Variants in MEG3 observed in about 807,000 individuals in gnomAD.
MEG3 encodes Very putative protein from MEG3 locus.
At chr14:100,857,960 G>A (rs182846252) in exon 1 of MEG3, 1 of 152,150 alleles carries the variant, frequency 6.6e-6, no homozygotes, top group African/African-American at 2.4e-5. Flanking sequence ...GGTGCAGAAG[G>A]TAGGCTTTGC....
At chr14:100,827,123 G>C (rs1397451409) in intron 1 of MEG3, among the ~76,000 whole-genome samples, 1 of 152,076 alleles carries the variant, frequency 6.6e-6, no homozygotes, top group South Asian at 2.1e-4. Flanking sequence ...CGTGGTGGTC[G>C]CTCGAAAATC....
Position 100,837,625 on chromosome 14 carries a change from A to G in MEG3, n.3045+1325A>G, listed in dbSNP as rs1176255527. ...GGGGCCCAGCCTCTAGTCCTCAGCC[A>G]TGTGCACGCATCAGCCCTTGTGCAG... On this transcript the variant is annotated intron_variant and non_coding_transcript_variant, in intron 2 of 3. Coordinates refer to the MEG3 transcript ENST00000398461. The surrounding 1 kb of genome is among the most constrained non-coding windows in gnomAD (Gnocchi z 5.8). Among the ~76,000 whole-genome samples, 2 of 152,160 alleles carry G rather than the reference A, an allele frequency of 1.3e-5. No individual in the cohort carries two copies. Among genetic ancestry groups the G allele is most frequent in the Non-Finnish European group, 1.5e-5 (1 of 67,982 alleles).
intron 2 of MEG3, among the ~76,000 whole-genome samples, chr14:100,838,383 T>C (rs146560282): frequency 6.6e-6 from 1 of 152,282 alleles, no homozygotes; most frequent in Non-Finnish European, 1.5e-5. Flanking sequence ...TGTGTGTCAT[T>C]AGGTATAAAA....
chr14:100,852,660 T>C (rs2038118100), upstream of MEG3: 2 of 290,226 alleles, frequency 6.9e-6, no homozygotes, highest in African/African-American at 2.2e-5. Context: ...GGAGGGTCTT[T>C]CAAAAGAACT....
chr14:100,836,120 C>T (rs150759931), intron 1 of MEG3: 5,250 of 416,500 alleles, frequency 0.013, 60 homozygotes, highest in Middle Eastern at 0.032. Flanking sequence ...TTGGCTTTTC[C>T]GGGGCGCTTG....
chr14:100,845,653 CTG>C lies in MEG3; in HGVS notation n.3121+123_3121+124del. 1 of 368,098 alleles carries C rather than the reference CTG, an allele frequency of 2.7e-6. No individual in the cohort carries two copies. Among genetic ancestry groups the C allele is most frequent in the Non-Finnish European group, 5.4e-6 (1 of 184,226 alleles). 22.8% of individuals were successfully genotyped at this position (368,098 alleles called of 1,614,324 possible). On this transcript the variant is annotated intron_variant and non_coding_transcript_variant, in intron 3 of 3. Transcript: ENST00000398461. The surrounding 1 kb of genome is among the most constrained non-coding windows in gnomAD (Gnocchi z 5.2). ...GGGCTGGCGGGCACTGGCCGGGGGT[CTG>C]TGCACCGGGAGGTGGGTGCCCATCG...
chr14:100,840,491 A>G (rs2037719785), intron 2 of MEG3, among the ~76,000 whole-genome samples: 1 of 125,772 alleles, frequency 8.0e-6, no homozygotes, highest in African/African-American at 3.0e-5. Flanking sequence ...TTTCAATGGA[A>G]GGTGCCTTTT....
chr14:100,827,374 G>T (rs1267363534), intron 1 of MEG3: 2 of 152,190 alleles, frequency 1.3e-5, no homozygotes, highest in African/African-American at 4.8e-5. Flanking sequence ...TTCTCCTGAT[G>T]GAGGGGGTCG....
exon 1 of MEG3, chr14:100,834,508 T>C: frequency 3.0e-6 from 1 of 328,730 alleles, no homozygotes; most frequent in Non-Finnish European, 6.0e-6. Context: ...GGGGTCTCGT[T>C]GCTCCCTTGA....
At chr14:100,840,628 A>G (rs1485201322) in intron 2 of MEG3, among the ~76,000 whole-genome samples, 1 of 152,174 alleles carries the variant, frequency 6.6e-6, no homozygotes. Flanking sequence ...AGGCTGCACA[A>G]TGACGCACTT....
chr14:100,836,277 C>T (rs1413627752), exon 2 of MEG3: 2 of 456,478 alleles, frequency 4.4e-6, no homozygotes, highest in Non-Finnish European at 8.8e-6. Context: ...CCTGGCGGGC[C>T]TCTCGTCTCC....
chr14:100,839,437 T>C (rs79301093), intron 2 of MEG3, among the ~76,000 whole-genome samples: 5,809 of 152,258 alleles, frequency 0.038, 176 homozygotes, highest in East Asian at 0.1. Context: ...TGGAAGAGTC[T>C]AGAAAAGAGG....
chr14:100,826,170 G>T (rs941599302), intron 1 of MEG3: 4 of 152,242 alleles, frequency 2.6e-5, no homozygotes, highest in Admixed American at 1.3e-4. Flanking sequence ...GGCCTTGGCG[G>T]CGGCTCCTCA....
chr14:100,830,314 A>C (rs1176817779), downstream of MEG3: 2 of 146,144 alleles, frequency 1.4e-5, no homozygotes, highest in Non-Finnish European at 3.0e-5. Flanking sequence ...TCTAAGTTTC[A>C]GTTTCTTTCA....
chr14:100,838,660 T>C (rs546318938), intron 2 of MEG3, among the ~76,000 whole-genome samples: 1 of 152,178 alleles, frequency 6.6e-6, no homozygotes, highest in South Asian at 2.1e-4. Flanking sequence ...CCATTTGTCA[T>C]CGTGCTGATT....
chr14:100,845,687 G>A lies in MEG3; in HGVS notation n.3121+154G>A, dbSNP rs1011597086. On this transcript the variant is annotated intron_variant and non_coding_transcript_variant, in intron 3 of 3. Transcript: ENST00000398461. This position sits in a 1 kb window ranked among gnomAD's most constrained non-coding sequence, Gnocchi z 5.2. ...GGGAGGTGGGTGCCCATCGAGTCAA[G>A]CCAAGTGCAGACCTGGGGGCTCCTG... The A allele has an allele frequency of 2.8e-5, 9 of 321,004 alleles. No homozygotes were observed. The highest frequency in any genetic ancestry group is 4.9e-5 in the Non-Finnish European group (8 of 162,622). 19.9% of individuals were successfully genotyped at this position (321,004 alleles called of 1,614,324 possible).
At chr14:100,836,918 A>G (rs1208559448) in intron 2 of MEG3, among the ~76,000 whole-genome samples, 1 of 152,234 alleles carries the variant, frequency 6.6e-6, no homozygotes, top group Non-Finnish European at 1.5e-5. Flanking sequence ...TTTAAATAAA[A>G]CAGCAATGGT....
chr14:100,835,801 GCCT>G, exon 1 of MEG3: 1 of 185,708 alleles, frequency 5.4e-6, no homozygotes, highest in Non-Finnish European at 1.1e-5. Context: ...ATCCTCCAGT[GCCT>G]CCTCCTGTGG....
chr14:100,841,389 G>A (rs58425702), intron 2 of MEG3, among the ~76,000 whole-genome samples: 4,934 of 152,304 alleles, frequency 0.032, 251 homozygotes, highest in African/African-American at 0.11. Flanking sequence ...GCGAGTGCAG[G>A]CCCATGGTCG....
Sources: allele counts gnomAD v4.1 joint callset (sites outside exome capture counted in the v4.1 genomes callset), GRCh38; gene constraint gnomAD v4.1.1; non-coding constraint Gnocchi (gnomAD v3.1); transcripts MANE v1.5; gene names NCBI Gene and HGNC (gene_info 2026-07-23, HGNC 2026-07-21).